MCF2L: variants seen among roughly 807,000 people sequenced by gnomAD.
MCF2L encodes MCF.2 cell line derived transforming sequence like, also known as guanine nucleotide exchange factor DBS.
A neutral mutation model predicts 153.4 loss-of-function variants in MCF2L; 97 were observed. The ratio of observed to expected loss-of-function variants is 0.63; its 90% confidence interval spans 0.54 to 0.75. The LOEUF (loss-of-function observed/expected upper bound fraction) is 0.75. MCF2L is among the 30% of genes least tolerant of loss of function. The pLI, the probability that MCF2L is intolerant of heterozygous loss-of-function variation, is 0.00. For synonymous variants in MCF2L, 659 were observed against 632.2 expected (o/e 1.04, Z -0.64); for missense variants, 1,347 against 1,495.2 (o/e 0.90, Z 1.64).
At position 112,902,349 on chromosome 13, in the gene MCF2L, G is replaced by A. The variant is rs141940257; in HGVS notation, c.147G>A (p.Pro49=). 2,601 of 1,612,592 alleles carry A rather than the reference G, an allele frequency of 1.6e-3. 44 individuals carry two copies. The South Asian group carries it at 0.016, about 10-fold the overall frequency. ...TCATCAGGCTTGTTCAAGACACACC[G>A]GAGGCGACGGCCATGGCCACAGGTA... Residue 49 remains proline (P), a synonymous_variant, in exon 2 of 30, where the codon CCG becomes CCA. Transcript: ENST00000375608.
chr13:113,022,484 C>T (rs1297060793), intron 2 of MCF2L, among the ~76,000 whole-genome samples: 1 of 151,800 alleles, frequency 6.6e-6, no homozygotes, highest in Non-Finnish European at 1.5e-5. Context: ...CAGCTGCCGT[C>T]GGCGTCACTC....
At chr13:113,069,964 G>T (rs2032720432) in intron 8 of MCF2L, 95 bp from the exon 9 acceptor site, 1 of 761,162 alleles carries the variant, frequency 1.3e-6, no homozygotes, top group Non-Finnish European at 2.2e-6. Context: ...GCCCGGGGTG[G>T]AGATGAGCCT....
chr13:112,954,558 G>A (rs1000808503), intron 2 of MCF2L, among the ~76,000 whole-genome samples: 40 of 152,348 alleles, frequency 2.6e-4, no homozygotes, highest in African/African-American at 9.4e-4. Flanking sequence ...TGGAATGACT[G>A]CTTTGCTTGG....
chr13:113,041,918 C>T (rs2086519834), intron 3 of MCF2L, among the ~76,000 whole-genome samples: 1 of 152,172 alleles, frequency 6.6e-6, no homozygotes, highest in African/African-American at 2.4e-5. Flanking sequence ...CCAGGTTCCC[C>T]TGTCCGTGCT....
Position 112,960,736 on chromosome 13 carries a change from G to A in MCF2L, c.170-54027G>A, listed in dbSNP as rs529245204. Among the ~76,000 whole-genome samples, 22 of 152,074 alleles carry A rather than the reference G, an allele frequency of 1.4e-4. No homozygotes were observed. Among genetic ancestry groups the A allele is most frequent in the African/African-American group, 4.3e-4 (18 of 41,402 alleles). On this transcript the variant is annotated intron_variant, in intron 2 of 29. Transcript: ENST00000375608. The surrounding 1 kb of genome is among the most constrained non-coding windows in gnomAD (Gnocchi z 4.2). ...AGGCTCCAGGAAGAATCCTTTCCTC[G>A]CCCTGTCCAGCCCCAGGTGCTGCCT...
In MCF2L at chr13:113,060,640, G is replaced by T; in HGVS notation, c.417G>T (p.Thr139=). 1 of 1,613,642 alleles carries T rather than the reference G, an allele frequency of 6.2e-7. No homozygotes were observed. Among genetic ancestry groups the T allele is most frequent in the Non-Finnish European group, 8.5e-7 (1 of 1,179,984 alleles). Residue 139 remains threonine (T), a synonymous_variant, in exon 5 of 30, where the codon ACG becomes ACT. Transcript: ENST00000535094. ...AGCTCGTCCTCGTGCTTCGCCCGAC[G>T]GGTTTTTTCCAAAGGACTCTCTCCG... The part of the protein sequence containing the change: ...NLQLVLVLRP[T]GFFQRTLSDI...
chr13:112,930,503 A>G (rs960929563), intron 2 of MCF2L, among the ~76,000 whole-genome samples: 3 of 152,230 alleles, frequency 2.0e-5, no homozygotes, highest in African/African-American at 7.2e-5. Context: ...CTATGGAGAC[A>G]GTGACAAAAT....
At chr13:112,915,149 C>T (rs915707834) in intron 2 of MCF2L, among the ~76,000 whole-genome samples, 16 of 152,038 alleles carry the variant, frequency 1.1e-4, no homozygotes, top group South Asian at 4.1e-4. Flanking sequence ...GTGGCTCAAG[C>T]CTGTAATCCC....
intron 15 of MCF2L, 108 bp downstream of exon 15, chr13:113,078,847 A>G: frequency 9.8e-7 from 1 of 1,024,062 alleles, no homozygotes; most frequent in South Asian, 1.5e-5. Context: ...AGGCTGGTGC[A>G]GAAGTCATTG....
chr13:113,018,004 C>T (rs1332894545), intron 2 of MCF2L, among the ~76,000 whole-genome samples: 4 of 152,258 alleles, frequency 2.6e-5, no homozygotes, highest in African/African-American at 9.6e-5. Flanking sequence ...CAGCCCTGTG[C>T]TGTCTGCCGC....
chr13:113,087,803 G>A lies in MCF2L; in HGVS notation c.2688+4G>A. 6.2e-7 allele frequency: 1 copy of A among 1,613,336 alleles called. No individual in the cohort carries two copies. The highest frequency in any genetic ancestry group is 8.5e-7 in the Non-Finnish European group (1 of 1,179,430). On this transcript the variant is annotated splice_donor_region_variant and intron_variant, in intron 23 of 29. Transcript: ENST00000535094. ...CGAGGAGGTCTACATCGTCCAGGTG[G>A]GCCACCCACCCTACCCCTGGCCTCT... is the stretch of plus-strand genomic sequence containing the variant.
chr13:113,069,783 G>A (rs1018039734), intron 8 of MCF2L, among the ~76,000 whole-genome samples: 8 of 152,116 alleles, frequency 5.3e-5, no homozygotes, highest in Admixed American at 4.6e-4. Context: ...GAACAAACTC[G>A]GCGGCTCAGC....
At position 113,018,864 on chromosome 13, in the gene MCF2L, G is replaced by A. The variant is rs376822745; in HGVS notation, c.163+4018G>A. Among the ~76,000 whole-genome samples, 6 of 152,268 alleles carry A rather than the reference G, an allele frequency of 3.9e-5. No individual in the cohort carries two copies. In the East Asian group the frequency reaches 1.2e-3, roughly 29 times the overall value. On this transcript the variant is annotated intron_variant, in intron 2 of 29. Coordinates refer to ENST00000535094, the MANE Select transcript of MCF2L (RefSeq NM_001112732.3). ...GCGGCCCCCCTCCCACTGCCCAGGC[G>A]GCTCTTGGGAATTTCGTTTTGCTTT...
chr13:113,035,214 C>T lies in MCF2L; in HGVS notation c.279-10057C>T, dbSNP rs962239250. ...GGGCGGCTTCTCTGGGTGACTCTGA[C>T]GCTCTCATTGCTTCACGTTTAATTT... On this transcript the variant is annotated intron_variant, in intron 3 of 29. Coordinates refer to ENST00000535094, the MANE Select transcript of MCF2L (RefSeq NM_001112732.3). The surrounding 1 kb of genome is among the most constrained non-coding windows in gnomAD (Gnocchi z 4.4). Among the ~76,000 whole-genome samples, 2 of 152,216 alleles carry T rather than the reference C, an allele frequency of 1.3e-5. No homozygotes were observed. The highest frequency in any genetic ancestry group is 2.9e-5 in the Non-Finnish European group (2 of 68,038).
At position 113,027,450 on chromosome 13, in the gene MCF2L, GTGAC is replaced by G. The variant is rs1235946298; in HGVS notation, c.278+2698_278+2701del. Among the ~76,000 whole-genome samples, 1 of 152,166 alleles carries G rather than the reference GTGAC, an allele frequency of 6.6e-6. No individual in the cohort carries two copies. Among genetic ancestry groups the G allele is most frequent in the Non-Finnish European group, 1.5e-5 (1 of 68,024 alleles). On this transcript the variant is annotated intron_variant, in intron 3 of 29. Coordinates refer to ENST00000535094, the MANE Select transcript of MCF2L (RefSeq NM_001112732.3). This position sits in a 1 kb window ranked among gnomAD's most constrained non-coding sequence, Gnocchi z 4.8. ...TTGGTGGGCAGAAAGAAGGGGGCTC[GTGAC>G]TGACTATGGTCAAAGCCCTGGACAT...
intron 2 of MCF2L, chr13:112,917,457 C>T (rs775599164): frequency 1.1e-4 from 35 of 325,626 alleles, no homozygotes; most frequent in Admixed American, 3.9e-4. Flanking sequence ...ACTTTGAGGT[C>T]GCGCTGCCTC....
chr13:113,034,753 C>T (rs987343097), intron 3 of MCF2L, among the ~76,000 whole-genome samples: 8 of 152,198 alleles, frequency 5.3e-5, no homozygotes, highest in East Asian at 1.9e-4. Flanking sequence ...AGACAAGGCC[C>T]GGGGTTGCAG....
In MCF2L at chr13:112,993,075, C is replaced by T. The variant is rs1183153813; in HGVS notation, c.80-21688C>T. ...GCGGCTCGCTGCCTTGAGAAGCTCCCGCTTCTGCAGTAAGGTGGCTTTTAA... is the reference window on the plus strand; with the variant it reads ...GCGGCTCGCTGCCTTGAGAAGCTCCTGCTTCTGCAGTAAGGTGGCTTTTAA... On this transcript the variant is annotated intron_variant, in intron 1 of 29. Coordinates refer to ENST00000535094, the MANE Select transcript of MCF2L (RefSeq NM_001112732.3). The surrounding 1 kb of genome is among the most constrained non-coding windows in gnomAD (Gnocchi z 4.6). Among the ~76,000 whole-genome samples, 5 of 152,210 alleles carry T rather than the reference C, an allele frequency of 3.3e-5. No individual in the cohort carries two copies. The highest frequency in any genetic ancestry group is 4.8e-5 in the African/African-American group (2 of 41,458).
At position 113,027,607 on chromosome 13, in the gene MCF2L, G is replaced by C. The variant is rs929462686; in HGVS notation, c.278+2849G>C. ...CTGCTGGCTGAGCTGAGTGCACGGA[G>C]GAGGGGCTGGGTCTCGGGCCGAGCG... On this transcript the variant is annotated intron_variant, in intron 3 of 29. Coordinates refer to ENST00000535094, the MANE Select transcript of MCF2L (RefSeq NM_001112732.3). This position sits in a 1 kb window ranked among gnomAD's most constrained non-coding sequence, Gnocchi z 4.8. Among the ~76,000 whole-genome samples the C allele has an allele frequency of 2.6e-5, 4 of 152,228 alleles. No homozygotes were observed. The highest frequency in any genetic ancestry group is 5.9e-5 in the Non-Finnish European group (4 of 68,044).
Sources: gnomAD v4.1 joint callset for allele counts (sites outside exome capture counted in the v4.1 genomes callset) on GRCh38, gnomAD v4.1.1 for gene constraint, Gnocchi (gnomAD v3.1) non-coding constraint, MANE v1.5 for transcripts, NCBI Gene and HGNC (gene_info 2026-07-23, HGNC 2026-07-21) for gene names.